The following KCTD16 variants were observed in gnomAD, a reference collection of about 807,000 sequenced individuals.
KCTD16 encodes potassium channel tetramerization domain containing 16, also known as BTB/POZ domain-containing protein KCTD16.
Under a neutral mutation model 33.2 loss-of-function variants are expected in KCTD16, and 13 were observed. The ratio of observed to expected loss-of-function variants is 0.39; its 90% confidence interval spans 0.25 to 0.62. The LOEUF (loss-of-function observed/expected upper bound fraction) is 0.62. KCTD16 is among the 20% of genes least tolerant of loss of function. The pLI, the probability that KCTD16 is intolerant of heterozygous loss-of-function variation, is 0.50. For synonymous variants in KCTD16, 197 were observed against 195.3 expected (o/e 1.01, Z -0.07); for missense variants, 441 against 525.1 (o/e 0.84, Z 1.57).
At chr5:144,265,975 A>G (rs1250725844) in intron 3 of KCTD16, among the ~76,000 whole-genome samples, 1 of 152,156 alleles carries the variant, frequency 6.6e-6, no homozygotes, top group Non-Finnish European at 1.5e-5. Flanking sequence ...GGAAAACTCA[A>G]TAGTTTACAT....
At chr5:144,382,923 C>G (rs1414511522) in intron 3 of KCTD16, 2 of 152,344 alleles carry the variant, frequency 1.3e-5, no homozygotes, top group East Asian at 3.9e-4. Flanking sequence ...TTTTCACATG[C>G]TATTCCAAAT....
chr5:144,237,611 C>T (rs1167354352), intron 3 of KCTD16, among the ~76,000 whole-genome samples: 1 of 152,070 alleles, frequency 6.6e-6, no homozygotes, highest in Non-Finnish European at 1.5e-5. Context: ...TTCCCTAAAT[C>T]TATTACATTT....
intron 2 of KCTD16, among the ~76,000 whole-genome samples, chr5:144,182,535 C>G (rs1232465665): frequency 1.3e-5 from 2 of 152,158 alleles, no homozygotes; most frequent in Admixed American, 1.3e-4. Context: ...TGAGGATTAG[C>G]ACATCTTGAA....
In KCTD16 at chr5:144,266,429, G is replaced by A. The variant is rs142941623; in HGVS notation, c.832+58883G>A. On this transcript the variant is annotated intron_variant, in intron 3 of 3. Coordinates refer to ENST00000512467, the MANE Select transcript of KCTD16 (RefSeq NM_020768.4). Reference sequence around the variant, plus strand: ...CAGTAGAGGGTAGCACCAAAACAACGCTGCAGGAGATGAGAGCATCAAAAA... The same window carrying A: ...CAGTAGAGGGTAGCACCAAAACAACACTGCAGGAGATGAGAGCATCAAAAA... Among the ~76,000 whole-genome samples the A allele has an allele frequency of 2.6e-3, 391 of 152,262 alleles. 2 individuals carry two copies. Among genetic ancestry groups the A allele is most frequent in the African/African-American group, 9.0e-3 (376 of 41,554 alleles).
chr5:144,337,640 AC>A (rs1182949534), intron 3 of KCTD16, among the ~76,000 whole-genome samples: 2 of 151,922 alleles, frequency 1.3e-5, no homozygotes, highest in African/African-American at 4.8e-5. Flanking sequence ...GTAGATATTA[AC>A]CACTTATATG....
In KCTD16 at chr5:144,396,207, G is replaced by A. The variant is rs558959009; in HGVS notation, c.833-77453G>A. On this transcript the variant is annotated intron_variant, in intron 3 of 3. Coordinates refer to ENST00000512467, the MANE Select transcript of KCTD16 (RefSeq NM_020768.4). ...GGTGTTCTCCTTGAAGAGCACTTCT[G>A]TCCCTCCCTTACATTTAAGGAGAAG... Among the ~76,000 whole-genome samples, 228 of 152,176 alleles carry A rather than the reference G, an allele frequency of 1.5e-3. 1 individual carries two copies. Among genetic ancestry groups the A allele is most frequent in the African/African-American group, 5.1e-3 (213 of 41,518 alleles).
At chr5:144,392,566 G>A (rs1752474152) in intron 3 of KCTD16, among the ~76,000 whole-genome samples, 1 of 152,150 alleles carries the variant, frequency 6.6e-6, no homozygotes, top group African/African-American at 2.4e-5. Context: ...GGTTATTGCA[G>A]TCATCCAGGC....
intron 3 of KCTD16, among the ~76,000 whole-genome samples, chr5:144,252,872 T>G (rs1754740059): frequency 6.6e-6 from 1 of 151,776 alleles, no homozygotes; most frequent in Non-Finnish European, 1.5e-5. Flanking sequence ...GAGGGTTGTT[T>G]TTTTTTCTCT....
intron 3 of KCTD16, among the ~76,000 whole-genome samples, chr5:144,303,075 C>G (rs570077681): frequency 6.6e-6 from 1 of 152,154 alleles, no homozygotes; most frequent in East Asian, 1.9e-4. Flanking sequence ...GTATAATTGA[C>G]ATTATTAGAG....
intron 3 of KCTD16, 55 bp downstream of exon 3, chr5:144,207,601 G>T: frequency 7.9e-7 from 1 of 1,268,236 alleles, no homozygotes; most frequent in Non-Finnish European, 1.1e-6. Context: ...CTTCACAAAT[G>T]TATATGGTCT....
chr5:144,224,404 T>TTTTC (rs397999488), intron 3 of KCTD16, among the ~76,000 whole-genome samples: 1 of 147,432 alleles, frequency 6.8e-6, no homozygotes, highest in African/African-American at 2.6e-5. Flanking sequence ...TTTTTTTTTT[T>TTTTC]CCTCCAAAGG....
At chr5:144,324,362 T>C (rs1464652068) in intron 3 of KCTD16, among the ~76,000 whole-genome samples, 2 of 152,130 alleles carry the variant, frequency 1.3e-5, no homozygotes, top group Non-Finnish European at 2.9e-5. Context: ...TCAGAAACTA[T>C]CTTTGTCTGT....
intron 2 of KCTD16, among the ~76,000 whole-genome samples, chr5:144,190,367 C>A (rs1262225858): frequency 6.6e-6 from 1 of 152,212 alleles, no homozygotes; most frequent in Non-Finnish European, 1.5e-5. Context: ...CTTGACTTAT[C>A]TGAACCTTGG....
intron 3 of KCTD16, among the ~76,000 whole-genome samples, chr5:144,320,540 T>A (rs1359014057): frequency 6.6e-6 from 1 of 152,164 alleles, no homozygotes; most frequent in Non-Finnish European, 1.5e-5. Flanking sequence ...AACTGGCATA[T>A]AAAACTTGTG....
intron 3 of KCTD16, among the ~76,000 whole-genome samples, chr5:144,444,535 TG>T (rs1327723735): frequency 6.6e-6 from 1 of 152,024 alleles, no homozygotes; most frequent in Non-Finnish European, 1.5e-5. Context: ...GCCTCAATAA[TG>T]TTTTTTTTAA....
chr5:144,186,496 TA>T (rs1436629001), intron 2 of KCTD16, among the ~76,000 whole-genome samples: 3 of 152,226 alleles, frequency 2.0e-5, no homozygotes, highest in African/African-American at 7.2e-5. Context: ...TTATTTTATT[TA>T]TATGTGCTTT....
chr5:144,386,099 A>G (rs560113317), intron 3 of KCTD16, among the ~76,000 whole-genome samples: 12 of 152,336 alleles, frequency 7.9e-5, no homozygotes, highest in African/African-American at 2.6e-4. Context: ...TAAAACAGAT[A>G]CGTGTATTAG....
At chr5:144,280,589 TG>T (rs1561552097) in intron 3 of KCTD16, among the ~76,000 whole-genome samples, 1 of 152,234 alleles carries the variant, frequency 6.6e-6, no homozygotes, top group Non-Finnish European at 1.5e-5. Context: ...CTAATTTTGT[TG>T]ATCTTTTCAA....
intron 3 of KCTD16, among the ~76,000 whole-genome samples, chr5:144,387,557 C>A (rs1260910356): frequency 6.6e-6 from 1 of 152,068 alleles, no homozygotes; most frequent in Non-Finnish European, 1.5e-5. Context: ...AAGAAAGAAT[C>A]AGGTACTCTT....
Sources: allele counts gnomAD v4.1 joint callset (sites outside exome capture counted in the v4.1 genomes callset), GRCh38; gene constraint gnomAD v4.1.1; transcripts MANE v1.5; gene names NCBI Gene and HGNC (gene_info 2026-07-23, HGNC 2026-07-21).